Variants in CAMKMT observed in about 807,000 individuals in gnomAD.
CAMKMT encodes the protein calmodulin-lysine N-methyltransferase.
In CAMKMT, 53 loss-of-function variants were observed where a neutral mutation model predicts 48.0. That is an observed-to-expected ratio of 1.10 (90% CI 0.89 to 1.39). The LOEUF (loss-of-function observed/expected upper bound fraction) is 1.39, where lower values mean the gene tolerates loss of function less well. Among genes scored for constraint, CAMKMT ranks in the 40% most tolerant of loss-of-function variants. The pLI, the probability that CAMKMT is intolerant of heterozygous loss-of-function variation, is 0.00. For synonymous variants in CAMKMT, 165 were observed against 152.3 expected (o/e 1.08, Z -0.61); for missense variants, 428 against 402.7 (o/e 1.06, Z -0.54).
At chr2:44,475,996 C>T (rs1016185434) in intron 3 of CAMKMT, among the ~76,000 whole-genome samples, 1 of 152,124 alleles carries the variant, frequency 6.6e-6, no homozygotes, top group African/African-American at 2.4e-5. Flanking sequence ...AATACCATTG[C>T]ATTTGATTTT....
chr2:44,755,065 A>T (rs1011691434), intron 9 of CAMKMT, among the ~76,000 whole-genome samples: 1 of 152,138 alleles, frequency 6.6e-6, no homozygotes, highest in Non-Finnish European at 1.5e-5. Flanking sequence ...CCTTTCTTTT[A>T]TATCTTTTTT....
At chr2:44,583,471 A>T (rs1342736812) in intron 3 of CAMKMT, among the ~76,000 whole-genome samples, 1 of 152,186 alleles carries the variant, frequency 6.6e-6, no homozygotes, top group Non-Finnish European at 1.5e-5. Context: ...TTTAAAAATC[A>T]ACACTTAAAA....
chr2:44,562,437 A>C (rs563242569), intron 3 of CAMKMT, among the ~76,000 whole-genome samples: 2 of 152,204 alleles, frequency 1.3e-5, no homozygotes, highest in Non-Finnish European at 2.9e-5. Flanking sequence ...TAACTCATTT[A>C]ATTCACACAA....
intron 3 of CAMKMT, among the ~76,000 whole-genome samples, chr2:44,395,739 A>G (rs1381881396): frequency 1.3e-5 from 2 of 152,140 alleles, no homozygotes; most frequent in East Asian, 3.8e-4. Flanking sequence ...TAGTATTTGT[A>G]TTTTTTATGG....
intron 3 of CAMKMT, among the ~76,000 whole-genome samples, chr2:44,485,455 T>C (rs1416791284): frequency 6.6e-6 from 1 of 152,174 alleles, no homozygotes; most frequent in Non-Finnish European, 1.5e-5. Flanking sequence ...AAATAATACA[T>C]ACAGTCATGC....
At chr2:44,372,198 C>G (rs1259139817) in intron 1 of CAMKMT, among the ~76,000 whole-genome samples, 1 of 152,116 alleles carries the variant, frequency 6.6e-6, no homozygotes, top group Non-Finnish European at 1.5e-5. Context: ...AGATATAAGA[C>G]TGCAAGCCAA....
chr2:44,631,141 G>A (rs12615238), intron 3 of CAMKMT, among the ~76,000 whole-genome samples: 83,177 of 151,412 alleles, frequency 0.55, 23,605 homozygotes, highest in Middle Eastern at 0.66. Flanking sequence ...GTAAACTATC[G>A]CAAGAACAAA....
intron 3 of CAMKMT, among the ~76,000 whole-genome samples, chr2:44,487,963 G>A (rs1669290492): frequency 6.6e-6 from 1 of 152,174 alleles, no homozygotes; most frequent in Non-Finnish European, 1.5e-5. Context: ...TAGCACACTT[G>A]GCTTTTGGGT....
intron 3 of CAMKMT, among the ~76,000 whole-genome samples, chr2:44,643,508 C>G (rs931848461): frequency 6.6e-6 from 1 of 152,028 alleles, no homozygotes; most frequent in East Asian, 1.9e-4. Flanking sequence ...GGAGCTAGAT[C>G]GGTAAAGATG....
intron 3 of CAMKMT, among the ~76,000 whole-genome samples, chr2:44,604,705 T>G (rs867578684): frequency 2.0e-5 from 3 of 152,254 alleles, no homozygotes; most frequent in Non-Finnish European, 2.9e-5. Flanking sequence ...TCCATCTTCC[T>G]TGATTTCCAC....
intron 3 of CAMKMT, among the ~76,000 whole-genome samples, chr2:44,627,155 T>C (rs985496059): frequency 6.6e-6 from 1 of 152,208 alleles, no homozygotes; most frequent in Non-Finnish European, 1.5e-5. Flanking sequence ...ACTTTGTTAA[T>C]GTGGTAAATT....
chr2:44,433,392 A>G lies in CAMKMT; in HGVS notation c.376+43087A>G, dbSNP rs900877315. Among the ~76,000 whole-genome samples the G allele has an allele frequency of 3.3e-5, 5 of 152,260 alleles. 1 individual carries two copies. The East Asian group carries it at 7.7e-4, about 23-fold the overall frequency. On this transcript the variant is annotated intron_variant, in intron 3 of 10. Coordinates refer to ENST00000378494, the MANE Select transcript of CAMKMT (RefSeq NM_024766.5). ...AACTTTTACTGAGTTTGTAAGCTTT[A>G]AGTGTATTTTTTTTTCAAATCCAAG...
chr2:44,577,355 A>G (rs1482853035), intron 3 of CAMKMT, among the ~76,000 whole-genome samples: 1 of 152,228 alleles, frequency 6.6e-6, no homozygotes, highest in Non-Finnish European at 1.5e-5. Context: ...TCTGTGGCTC[A>G]TGCCTGTAAT....
At chr2:44,401,205 AG>A (rs1682347754) in intron 3 of CAMKMT, 1 of 152,152 alleles carries the variant, frequency 6.6e-6, no homozygotes, top group African/African-American at 2.4e-5. Flanking sequence ...TGATGCATCC[AG>A]GTACTTGGAT....
At chr2:44,602,619 G>A (rs1422115971) in intron 3 of CAMKMT, among the ~76,000 whole-genome samples, 1 of 152,018 alleles carries the variant, frequency 6.6e-6, no homozygotes, top group Non-Finnish European at 1.5e-5. Flanking sequence ...ATGACTGGGA[G>A]GCTTCAGGAA....
intron 9 of CAMKMT, among the ~76,000 whole-genome samples, chr2:44,754,777 A>C (rs1680296280): frequency 1.3e-5 from 2 of 152,098 alleles, no homozygotes; most frequent in South Asian, 4.1e-4. Flanking sequence ...CTAAGCTAGG[A>C]GGTCCTGCAG....
chr2:44,523,651 G>C (rs1671243005), intron 3 of CAMKMT, among the ~76,000 whole-genome samples: 1 of 151,916 alleles, frequency 6.6e-6, no homozygotes, highest in African/African-American at 2.4e-5. Flanking sequence ...ACTGAGCTAG[G>C]ATGACCTAAA....
intron 3 of CAMKMT, among the ~76,000 whole-genome samples, chr2:44,583,852 C>A (rs1404467936): frequency 6.6e-6 from 1 of 152,098 alleles, no homozygotes; most frequent in African/African-American, 2.4e-5. Context: ...ATAAAATGCA[C>A]ACATTGCAAG....
intron 3 of CAMKMT, among the ~76,000 whole-genome samples, chr2:44,682,203 C>T (rs956584326): frequency 6.6e-6 from 1 of 152,108 alleles, no homozygotes; most frequent in African/African-American, 2.4e-5. Context: ...ACTTTTTCCC[C>T]TGAATTATTG....
Sources: gnomAD v4.1 joint callset for allele counts (sites outside exome capture counted in the v4.1 genomes callset) on GRCh38, gnomAD v4.1.1 for gene constraint, MANE v1.5 for transcripts, NCBI Gene and HGNC (gene_info 2026-07-23, HGNC 2026-07-21) for gene names.